The following SGCD variants were observed in gnomAD, a reference collection of about 807,000 sequenced individuals.
SGCD encodes the protein delta-sarcoglycan.
SGCD carries 18 observed loss-of-function variants against 36.6 expected under a neutral mutation model. The observed-to-expected ratio is 0.49, with a 90% CI of 0.34 to 0.73. The LOEUF (loss-of-function observed/expected upper bound fraction) is 0.73, where lower values mean the gene tolerates loss of function less well. SGCD is among the 30% of genes least tolerant of loss of function. SGCD has a pLI of 0.01. For synonymous variants in SGCD, 133 were observed against 130.6 expected, an observed-to-expected ratio of 1.02 and a Z score of -0.12; for missense variants, 387 against 346.7, an observed-to-expected ratio of 1.12 and a Z score of -0.92.
chr5:155,963,250 A>C (rs1425364751), intron 1 of SGCD, among the ~76,000 whole-genome samples: 1 of 152,142 alleles, frequency 6.6e-6, no homozygotes, highest in Non-Finnish European at 1.5e-5. Context: ...AGAAAAAAAG[A>C]AACAAAAAAT....
chr5:156,524,019 A>G (rs1757523739), intron 4 of SGCD, among the ~76,000 whole-genome samples: 1 of 145,858 alleles, frequency 6.9e-6, no homozygotes, highest in Non-Finnish European at 1.5e-5. Flanking sequence ...GAAAAAAAAA[A>G]TGCTTTTGTT....
At chr5:155,951,827 G>T (rs1757554024) in intron 1 of SGCD, among the ~76,000 whole-genome samples, 1 of 152,078 alleles carries the variant, frequency 6.6e-6, no homozygotes, top group Admixed American at 6.6e-5. Flanking sequence ...TTCTATAGAG[G>T]GAATAGAATG....
At chr5:156,730,535 A>T (rs1203128110) in intron 7 of SGCD, among the ~76,000 whole-genome samples, 1 of 152,146 alleles carries the variant, frequency 6.6e-6, no homozygotes, top group Non-Finnish European at 1.5e-5. Flanking sequence ...CTCCATCCAT[A>T]TTCCTGCAAA....
chr5:156,648,399 T>C (rs776668626), intron 7 of SGCD, among the ~76,000 whole-genome samples: 20 of 152,132 alleles, frequency 1.3e-4, no homozygotes, highest in Non-Finnish European at 2.6e-4. Flanking sequence ...ATATCTACTC[T>C]TTCCTGATGC....
At chr5:156,546,136 C>T (rs1758563218) in intron 4 of SGCD, among the ~76,000 whole-genome samples, 1 of 152,094 alleles carries the variant, frequency 6.6e-6, no homozygotes, top group Non-Finnish European at 1.5e-5. Context: ...AAAAACACAC[C>T]TACTTTTATT....
intron 3 of SGCD, among the ~76,000 whole-genome samples, chr5:156,354,731 G>A (rs1561640905): frequency 6.6e-6 from 1 of 152,144 alleles, no homozygotes; most frequent in Non-Finnish European, 1.5e-5. Flanking sequence ...CTGAACTTGT[G>A]GCCACATCAC....
intron 3 of SGCD, among the ~76,000 whole-genome samples, chr5:156,504,293 T>C (rs761637571): frequency 2.0e-5 from 3 of 151,350 alleles, no homozygotes; most frequent in African/African-American, 7.3e-5. Flanking sequence ...AAGTATTAAA[T>C]ATTAACATTT....
chr5:155,982,525 C>G (rs778959199), intron 1 of SGCD, among the ~76,000 whole-genome samples: 78 of 152,096 alleles, frequency 5.1e-4, no homozygotes, highest in Non-Finnish European at 1.8e-4. Flanking sequence ...CTCAAGGAGA[C>G]CAGATCTGGA....
rs150143431 is a variant in SGCD at position 156,385,267 on chromosome 5, C to T, written c.192+40590C>T. ...GTAAAATGAGGGTAACTGGGCCACC[C>T]CCTAAATTTAAAGTCTAGATTTCTC... On this transcript the variant is annotated intron_variant, in intron 3 of 8. Coordinates refer to ENST00000337851, the MANE Select transcript of SGCD (RefSeq NM_000337.6). Among the ~76,000 whole-genome samples, 1,126 of 152,300 alleles carry T rather than the reference C, an allele frequency of 7.4e-3. 6 individuals are homozygous for T. Among genetic ancestry groups the T allele is most frequent in the South Asian group, 0.018 (88 of 4,826 alleles).
chr5:155,844,783 A>G, the SGCD span, among the ~76,000 whole-genome samples: 1 of 152,186 alleles, frequency 6.6e-6, no homozygotes, highest in African/African-American at 2.4e-5. Context: ...GTAGTATATG[A>G]AGCGGTATAG....
At chr5:156,601,647 T>A in intron 6 of SGCD, among the ~76,000 whole-genome samples, 1 of 152,154 alleles carries the variant, frequency 6.6e-6, no homozygotes, top group Non-Finnish European at 1.5e-5. Context: ...AGAATTTTTT[T>A]CCTATTTCTG....
At chr5:156,166,571 C>T (rs576596756) in intron 3 of SGCD, among the ~76,000 whole-genome samples, 161 of 152,318 alleles carry the variant, frequency 1.1e-3, no homozygotes, top group African/African-American at 3.7e-3. Flanking sequence ...CCGCCCGCCT[C>T]GGCCTCCCAC....
At chr5:155,758,860 A>G in the SGCD span, among the ~76,000 whole-genome samples, 3 of 152,122 alleles carry the variant, frequency 2.0e-5, no homozygotes, top group Non-Finnish European at 4.4e-5. Context: ...CTTGATGGAT[A>G]AGACAATTCT....
At chr5:156,302,439 T>C (rs1416308687) in intron 3 of SGCD, among the ~76,000 whole-genome samples, 1 of 152,096 alleles carries the variant, frequency 6.6e-6, no homozygotes, top group Non-Finnish European at 1.5e-5. Flanking sequence ...TGAATTACTT[T>C]GAGTTTCCTC....
chr5:156,086,884 A>G (rs897221716), intron 1 of SGCD, among the ~76,000 whole-genome samples: 10 of 152,202 alleles, frequency 6.6e-5, no homozygotes, highest in African/African-American at 2.2e-4. Flanking sequence ...TTCTCTTCCT[A>G]TGGATAGTGG....
chr5:156,570,843 C>G (rs1759689298), intron 4 of SGCD, among the ~76,000 whole-genome samples: 1 of 152,156 alleles, frequency 6.6e-6, no homozygotes, highest in Admixed American at 6.5e-5. Flanking sequence ...TGTTCCCCAG[C>G]TTTCTCTTAG....
intron 1 of SGCD, among the ~76,000 whole-genome samples, chr5:155,964,972 T>C (rs747289387): frequency 1.7e-4 from 26 of 152,100 alleles, no homozygotes; most frequent in Non-Finnish European, 3.2e-4. Flanking sequence ...CCTGGGGCAT[T>C]GTACCACCCT....
chr5:156,016,742 T>G (rs1758988552), intron 1 of SGCD, among the ~76,000 whole-genome samples: 1 of 152,206 alleles, frequency 6.6e-6, no homozygotes. Context: ...TATTCTTCTT[T>G]GTAGTTGCTG....
chr5:156,488,112 T>G (rs1304083881), intron 3 of SGCD, among the ~76,000 whole-genome samples: 31 of 145,066 alleles, frequency 2.1e-4, no homozygotes, highest in African/African-American at 6.2e-4. Flanking sequence ...TTTTTTTTTT[T>G]TTTTTTTTTT....
Sources: gnomAD v4.1 joint callset for allele counts (sites outside exome capture counted in the v4.1 genomes callset) on GRCh38, gnomAD v4.1.1 for gene constraint, MANE v1.5 for transcripts, NCBI Gene and HGNC (gene_info 2026-07-23, HGNC 2026-07-21) for gene names.